The following PITPNM1 variants were observed in gnomAD, a reference collection of about 807,000 sequenced individuals.
The protein encoded by PITPNM1 is membrane-associated phosphatidylinositol transfer protein 1.
Under a neutral mutation model 133.3 loss-of-function variants are expected in PITPNM1, and 74 were observed. The observed-to-expected ratio is 0.56, with a 90% CI of 0.46 to 0.67. The LOEUF (loss-of-function observed/expected upper bound fraction) is 0.67. Ranked by LOEUF, PITPNM1 falls within the 30% of genes least tolerant of loss-of-function variation. The pLI, the probability that PITPNM1 is intolerant of heterozygous loss-of-function variation, is 0.00. For synonymous variants in PITPNM1, 738 were observed against 741.4 expected (o/e 1.00, Z 0.08); for missense variants, 1,398 against 1,739.5 (o/e 0.80, Z 3.49).
rs139895981 is a variant in PITPNM1 at position 67,497,571 on chromosome 11, G to A, written c.1891C>T (p.Arg631Cys). 48 of 1,608,570 alleles carry A rather than the reference G, an allele frequency of 3.0e-5. 1 individual carries two copies. In the African/African-American group the frequency reaches 4.8e-4, roughly 16 times the overall value. ...SPEPSALPPQRIPSDMASPEP... is the reference protein window; with the variant it reads ...SPEPSALPPQCIPSDMASPEP... ...GGACTGGCCATGTCGCTGGGGATGC[G>A]CTGGGGAGGCAAGGCCGAGGGTTCT... Residue 631 changes from arginine (R) to cysteine (C), a missense_variant, in exon 13 of 24, where the codon CGC (arginine) becomes TGC (cysteine). By Grantham distance (180) the Arg-to-Cys change is radical. Around this residue, in one of 5 missense-constraint regions of PITPNM1, gnomAD observed 574 missense variants for 698.7 expected, o/e 0.82. Coordinates refer to ENST00000356404, the MANE Select transcript of PITPNM1 (RefSeq NM_004910.3).
chr11:67,500,250 G>A lies in PITPNM1; in HGVS notation c.812C>T (p.Pro271Leu), dbSNP rs2134315693. The A allele has an allele frequency of 6.2e-7, 1 of 1,606,584 alleles. No individual in the cohort carries two copies. The highest frequency in any genetic ancestry group is 1.1e-5 in the South Asian group (1 of 91,076). The change falls in exon 6 of 24, where the codon CCC becomes CTC. Residue 271 changes from proline to leucine, a missense_variant. Physicochemically the swap from Pro to Leu is moderately conservative, Grantham distance 98. Transcript: ENST00000356404. ...TGSEGSEAQPPGKPSTEARSA... is the reference protein window; with the variant it reads ...TGSEGSEAQPLGKPSTEARSA... ...CCGGGCCTCGGTGCTCGGTTTCCCG[G>A]GGGGCTGGGCCTCGGACCCCTCACT...
rs1485091777 is a variant in PITPNM1 at position 67,495,237 on chromosome 11, T to C, written c.2483-12A>G. The stretch of plus-strand genomic sequence containing the variant: ...CCAGCGCTCCAGGACTGCGCGGCCA[T>C]GGCAGCGAGTCAGGATGGCCTCCTG... On this transcript the variant is annotated splice_polypyrimidine_tract_variant and intron_variant, in intron 16 of 23. Transcript: ENST00000356404. 3 of 1,572,490 alleles carry C rather than the reference T, an allele frequency of 1.9e-6. No homozygotes were observed. Among genetic ancestry groups the C allele is most frequent in the Non-Finnish European group, 2.6e-6 (3 of 1,155,002 alleles).
At chr11:67,506,114 C>T (rs914605797), upstream of PITPNM1, 1 of 152,490 alleles carries the variant, frequency 6.6e-6, no homozygotes, top group African/African-American at 2.4e-5. Flanking sequence ...CAGAGACCTT[C>T]AGGGCTGATT....
At position 67,500,306 on chromosome 11, in the gene PITPNM1, C is replaced by G. The variant is rs752251383; in HGVS notation, c.756G>C (p.Leu252=). Residue 252 remains leucine, a synonymous_variant, in exon 6 of 24, where the codon CTG becomes CTC. Coordinates refer to ENST00000356404, the MANE Select transcript of PITPNM1 (RefSeq NM_004910.3). ...RALEEETARM[L]AQRMAKCNTG... The stretch of plus-strand genomic sequence containing the variant: ...TGTTGCACTTGGCCATGCGCTGGGC[C>G]AGCATGCGAGCAGTCTCCTCTTCCA... 4 of 1,611,576 alleles carry G rather than the reference C, an allele frequency of 2.5e-6. No homozygotes were observed. Among genetic ancestry groups the G allele is most frequent in the Non-Finnish European group, 3.4e-6 (4 of 1,179,904 alleles).
rs1866423552 is a variant in PITPNM1 at position 67,504,260 on chromosome 11, C to G, written c.-41-39G>C. The stretch of plus-strand genomic sequence containing the variant: ...CGGCGCGACAGTCAGTGCGGGGAGG[C>G]TGCGCGCGGCCCCGAGCCCTGCGCG... On this transcript the variant is annotated intron_variant, in intron 1 of 23. Coordinates refer to ENST00000356404, the MANE Select transcript of PITPNM1 (RefSeq NM_004910.3). The surrounding 1 kb of genome is among the most constrained non-coding windows in gnomAD (Gnocchi z 5.4). The G allele has an allele frequency of 1.1e-6, 1 of 938,902 alleles. No individual in the cohort carries two copies. 58.2% of individuals were successfully genotyped at this position (938,902 alleles called of 1,614,324 possible).
At chr11:67,503,785 AC>A in intron 2 of PITPNM1, 1 of 278,182 alleles carries the variant, frequency 3.6e-6, no homozygotes, top group Non-Finnish European at 6.9e-6. Flanking sequence ...ACTTCTCCAG[AC>A]CCCCTCCCGC....
At position 67,504,173 on chromosome 11, in the gene PITPNM1, A is replaced by G; in HGVS notation, c.8T>C (p.Ile3Thr). 1 of 1,602,026 alleles carries G rather than the reference A, an allele frequency of 6.2e-7. No homozygotes were observed. Among genetic ancestry groups the G allele is most frequent in the Non-Finnish European group, 8.5e-7 (1 of 1,174,724 alleles). Residue 3 changes from isoleucine to threonine, a missense_variant, in exon 2 of 24, where the codon ATC becomes ACC. Ile to Thr is a moderately conservative substitution (Grantham distance 89, BLOSUM62 -1). Transcript: ENST00000356404. The surrounding 1 kb of genome is among the most constrained non-coding windows in gnomAD (Gnocchi z 5.4). The part of the protein sequence containing the change: ML[I>T]KEYHILLPMS... ...GGGCAGCAGAATGTGGTATTCCTTG[A>G]TGAGCATCCTGAAGGCGCTCGGCGG...
intron 8 of PITPNM1, 84 bp downstream of exon 8, chr11:67,499,639 T>C: frequency 3.2e-6 from 1 of 317,222 alleles, no homozygotes; most frequent in Non-Finnish European, 5.2e-6. Context: ...CCTCTTCAGA[T>C]TGCCTCTCAT....
At position 67,499,736 on chromosome 11, in the gene PITPNM1, T is replaced by C. The variant is rs368125948; in HGVS notation, c.1158A>G (p.Ala386=). Residue 386 remains alanine (A), a synonymous_variant, in exon 8 of 24, where the codon GCA becomes GCG. Transcript: ENST00000356404. ...CGGTATCTTTACCTGGCGTTCCCTC[T>C]GCCTCCACTGGGGAGGCAAAGGCAT... is the stretch of plus-strand genomic sequence containing the variant. ...FIDAFASPVE[A]EGTPEPGAEA... The C allele has an allele frequency of 1.5e-5, 22 of 1,505,314 alleles. No individual in the cohort carries two copies. The African/African-American group carries it at 2.5e-4, about 17-fold the overall frequency. The allele number at this position is 1,505,314 out of a possible 1,614,324, so 93.2% of individuals were successfully genotyped here.
chr11:67,493,177 A>G (rs2134268138), intron 22 of PITPNM1, 115 bp from the exon 23 acceptor site: 1 of 1,323,620 alleles, frequency 7.6e-7, no homozygotes, highest in Non-Finnish European at 1.1e-6. Context: ...ACGGAGGCGA[A>G]GACAGGTCCC....
At chr11:67,501,751 A>C in intron 5 of PITPNM1, 111 bp downstream of exon 5, 2 of 957,988 alleles carry the variant, frequency 2.1e-6, no homozygotes, top group Non-Finnish European at 3.1e-6. Flanking sequence ...CCTCAAATGG[A>C]AACGATGGCT....
chr11:67,494,212 G>T, intron 19 of PITPNM1, 32 bp downstream of exon 19: 1 of 1,596,026 alleles, frequency 6.3e-7, no homozygotes. Context: ...ATGGGGCCAT[G>T]GGACCAGGCG....
rs940316997 is a variant in PITPNM1 at position 67,493,427 on chromosome 11, G to T, written c.3325C>A (p.Gln1109Lys). ...CGCCGCACCTCCTGCACCAGGCTCT[G>T]CAGAAACATTGCCTTCTGGCGTAGT... ...DPLRQKAMFL[Q>K]SLVQEVELNI... is the part of the protein sequence containing the mutation. The change falls in exon 22 of 24, where the codon CAG (glutamine) becomes AAG (lysine). Residue 1109 changes from glutamine to lysine, a missense_variant. By Grantham distance (53) the Gln-to-Lys change is moderately conservative (BLOSUM62 1). This residue lies in a region of PITPNM1 where 233 missense variants were observed against 378.0 expected (regional missense o/e 0.62). Coordinates refer to ENST00000356404, the MANE Select transcript of PITPNM1 (RefSeq NM_004910.3). The T allele has an allele frequency of 6.3e-7, 1 of 1,595,808 alleles. No homozygotes were observed. Among genetic ancestry groups the T allele is most frequent in the Non-Finnish European group, 8.6e-7 (1 of 1,168,690 alleles).
At position 67,494,143 on chromosome 11, in the gene PITPNM1, G is replaced by T. The variant is rs553074408; in HGVS notation, c.2860-73C>A. The T allele has an allele frequency of 9.5e-6, 15 of 1,578,434 alleles. No individual in the cohort carries two copies. The South Asian group carries it at 1.5e-4, about 15-fold the overall frequency. Reference sequence around the variant, plus strand: ...TGGGCAGAGGCGGGGCTGTCGTCGGGGATGGGTGGGTCTAGGGGCACAACC... The same window carrying T: ...TGGGCAGAGGCGGGGCTGTCGTCGGTGATGGGTGGGTCTAGGGGCACAACC... On this transcript the variant is annotated intron_variant, in intron 19 of 23. Coordinates refer to ENST00000356404, the MANE Select transcript of PITPNM1 (RefSeq NM_004910.3).
rs1304684798 is a variant in PITPNM1 at position 67,497,372 on chromosome 11, G to A, written c.2005C>T (p.Pro669Ser). The change falls in exon 14 of 24, where the codon CCA (proline) becomes TCA (serine). Residue 669 changes from proline to serine, a missense_variant. Pro to Ser is a moderately conservative substitution (Grantham distance 74, BLOSUM62 -1). Transcript: ENST00000356404. ...EPRRASTAFC[P>S]PAASSEAPDG... ...GGTGCCTCGGAACTGGCAGCGGGTG[G>A]GCAGAAGGCCGTGCTTGCCCGCCGG... 1 of 1,600,528 alleles carries A rather than the reference G, an allele frequency of 6.2e-7. No homozygotes were observed. The highest frequency in any genetic ancestry group is 8.5e-7 in the Non-Finnish European group (1 of 1,171,666).
At chr11:67,497,823 C>A in intron 12 of PITPNM1, 94 bp downstream of exon 12, 1 of 1,473,724 alleles carries the variant, frequency 6.8e-7, no homozygotes, top group Non-Finnish European at 9.3e-7. Flanking sequence ...AGGGGGCCTG[C>A]CTGCTGGCAG....
Position 67,502,456 on chromosome 11 carries a change from G to A in PITPNM1, c.294-43C>T. The A allele has an allele frequency of 1.2e-6, 2 of 1,613,614 alleles. No homozygotes were observed. Among genetic ancestry groups the A allele is most frequent in the Non-Finnish European group, 1.7e-6 (2 of 1,179,896 alleles). On this transcript the variant is annotated intron_variant, in intron 3 of 23. Transcript: ENST00000356404. The surrounding 1 kb of genome is among the most constrained non-coding windows in gnomAD (Gnocchi z 5.9). The stretch of plus-strand genomic sequence containing the variant: ...GTGAGGCTCACTGCTGTACCCACCA[G>A]GGCCGCTCCCCTCCTGGCCTCGGAC...
At chr11:67,493,901 G>C (rs751570788) in intron 20 of PITPNM1, 21 bp downstream of exon 20, 14 of 1,532,382 alleles carry the variant, frequency 9.1e-6, no homozygotes, top group African/African-American at 1.4e-5. Context: ...CTCCCGCAGA[G>C]GCCCGGCCAG....
At chr11:67,496,749 A>C (rs1029448500) in intron 14 of PITPNM1, 4 of 203,828 alleles carry the variant, frequency 2.0e-5, no homozygotes, top group Non-Finnish European at 3.9e-5. Flanking sequence ...AGCCTGGCCA[A>C]CATGGCAAAA....
Sources: gnomAD v4.1 joint callset for allele counts on GRCh38, gnomAD v4.1.1 for gene constraint, gnomAD v4.1.1 regional missense constraint, Gnocchi (gnomAD v3.1) non-coding constraint, MANE v1.5 for transcripts, NCBI Gene and HGNC (gene_info 2026-07-23, HGNC 2026-07-21) for gene names.